The following C8orf34 variants were observed in gnomAD, a reference collection of about 807,000 sequenced individuals.
The protein encoded by C8orf34 is chromosome 8 open reading frame 34, also known as uncharacterized protein C8orf34.
C8orf34 carries 65 observed loss-of-function variants against 68.3 expected under a neutral mutation model. That is an observed-to-expected ratio of 0.95 (90% CI 0.78 to 1.17). C8orf34 has a LOEUF of 1.17. Among genes scored for constraint, C8orf34 ranks in the 50% most tolerant of loss-of-function variants. The pLI, the probability that C8orf34 is intolerant of heterozygous loss-of-function variation, is 0.00. For missense variants in C8orf34, 664 were observed against 655.4 expected (o/e 1.01, Z -0.14); for synonymous variants, 244 against 241.2 (o/e 1.01, Z -0.11).
chr8:68,451,368 AT>A (rs1191877673), intron 3 of C8orf34, among the ~76,000 whole-genome samples: 8 of 152,150 alleles, frequency 5.3e-5, no homozygotes, highest in Non-Finnish European at 1.5e-5. Flanking sequence ...TTTCATTTGC[AT>A]TCGCTACTTG....
At chr8:68,580,466 C>T (rs1817030042) in intron 7 of C8orf34, among the ~76,000 whole-genome samples, 1 of 151,838 alleles carries the variant, frequency 6.6e-6, no homozygotes, top group Non-Finnish European at 1.5e-5. Flanking sequence ...ATTTAAAAAC[C>T]CAGGAAACTT....
At chr8:68,532,333 G>A (rs113645895) in intron 6 of C8orf34, among the ~76,000 whole-genome samples, 9 of 152,156 alleles carry the variant, frequency 5.9e-5, no homozygotes, top group African/African-American at 2.2e-4. Context: ...TGGAAGTAAG[G>A]TATCTATACT....
chr8:68,582,793 A>G (rs1223155716), intron 7 of C8orf34, among the ~76,000 whole-genome samples: 1 of 152,140 alleles, frequency 6.6e-6, no homozygotes, highest in African/African-American at 2.4e-5. Flanking sequence ...GTTGATTAAC[A>G]TGCATGTCAC....
chr8:68,353,449 A>G (rs1335096000), intron 1 of C8orf34, among the ~76,000 whole-genome samples: 1 of 151,546 alleles, frequency 6.6e-6, no homozygotes, highest in Non-Finnish European at 1.5e-5. Flanking sequence ...TATTATTTAT[A>G]TATTTTTATG....
Position 68,546,968 on chromosome 8 carries a change from G to A in C8orf34, c.1105+13819G>A, listed in dbSNP as rs1465220769. ...GAAACCCAGAGCTTTAAACAAGAAA[G>A]TTTTAAAATTATTGATATAAGTTCC... is the stretch of plus-strand genomic sequence containing the variant. On this transcript the variant is annotated intron_variant, in intron 7 of 13. Transcript: ENST00000518698. 2.0e-5 allele frequency among the ~76,000 whole-genome samples: 3 copies of A among 151,554 alleles called. No homozygotes were observed. In the South Asian group the frequency reaches 6.2e-4, roughly 31 times the overall value.
intron 9 of C8orf34, among the ~76,000 whole-genome samples, chr8:68,717,514 A>G (rs548968016): frequency 6.6e-6 from 1 of 151,928 alleles, no homozygotes; most frequent in African/African-American, 2.4e-5. Context: ...AAAATGACAA[A>G]CACAAAATAT....
intron 11 of C8orf34, among the ~76,000 whole-genome samples, chr8:68,786,256 A>G (rs1563668982): frequency 6.6e-6 from 1 of 152,100 alleles, no homozygotes; most frequent in Non-Finnish European, 1.5e-5. Context: ...TTTGTTCTAG[A>G]GGAGAACCAT....
chr8:68,572,234 GACACAC>G (rs36042681), intron 7 of C8orf34, among the ~76,000 whole-genome samples: 7,178 of 145,256 alleles, frequency 0.049, 581 homozygotes, highest in African/African-American at 0.17. Flanking sequence ...TGACTGTATA[GACACAC>G]ACACACACAC....
At chr8:68,447,709 G>A (rs577908783) in intron 3 of C8orf34, 59 of 152,306 alleles carry the variant, frequency 3.9e-4, no homozygotes, top group African/African-American at 1.1e-3. Context: ...TTAACTTTGT[G>A]AGCAGCTTCA....
rs114884584 is a variant in C8orf34 at position 68,529,151 on chromosome 8, A to G, written c.939-3832A>G. ...TTAATTGTTCTCTGTCTTTCATTCAATTTACAAAGAAGCTCCTCAAAGTAG... is the reference window on the plus strand; with the variant it reads ...TTAATTGTTCTCTGTCTTTCATTCAGTTTACAAAGAAGCTCCTCAAAGTAG... On this transcript the variant is annotated intron_variant, in intron 6 of 13. Coordinates refer to ENST00000518698, the MANE Select transcript of C8orf34 (RefSeq NM_052958.4). Among the ~76,000 whole-genome samples, 1,148 of 152,312 alleles carry G rather than the reference A, an allele frequency of 7.5e-3. 20 individuals are homozygous for G. Among genetic ancestry groups the G allele is most frequent in the African/African-American group, 0.026 (1,083 of 41,570 alleles).
rs141667244 is a variant in C8orf34 at position 68,468,567 on chromosome 8, A to G, written c.608-125A>G. The G allele has an allele frequency of 2.9e-5, 26 of 882,244 alleles. No individual in the cohort carries two copies. In the African/African-American group the frequency reaches 4.4e-4, roughly 15 times the overall value. 54.7% of individuals were successfully genotyped at this position (882,244 alleles called of 1,614,324 possible). ...CCCTCTTTTTTCTCACAAGCAAACCATCTTCAAGATAAACACTTTTTATTC... is the reference window on the plus strand; with the variant it reads ...CCCTCTTTTTTCTCACAAGCAAACCGTCTTCAAGATAAACACTTTTTATTC... On this transcript the variant is annotated intron_variant, in intron 3 of 13. Coordinates refer to ENST00000518698, the MANE Select transcript of C8orf34 (RefSeq NM_052958.4).
chr8:68,577,297 T>C (rs1029693133), intron 7 of C8orf34, among the ~76,000 whole-genome samples: 7 of 152,038 alleles, frequency 4.6e-5, no homozygotes, highest in Non-Finnish European at 7.4e-5. Context: ...TTCTATATGC[T>C]TCTTAAAATT....
chr8:68,457,225 T>C (rs1811591366), intron 3 of C8orf34, among the ~76,000 whole-genome samples: 1 of 152,126 alleles, frequency 6.6e-6, no homozygotes, highest in African/African-American at 2.4e-5. Context: ...ATTGAGAGTA[T>C]ATATGTACAT....
chr8:68,536,990 T>C (rs972471290), intron 7 of C8orf34, among the ~76,000 whole-genome samples: 16 of 152,146 alleles, frequency 1.1e-4, no homozygotes, highest in African/African-American at 2.9e-4. Flanking sequence ...ATAAAAACAA[T>C]TTACTAGAAG....
intron 7 of C8orf34, among the ~76,000 whole-genome samples, chr8:68,637,510 C>T (rs1818881108): frequency 6.6e-6 from 1 of 151,778 alleles, no homozygotes; most frequent in African/African-American, 2.4e-5. Flanking sequence ...TATCTAGATG[C>T]AAGGAAAGTA....
intron 1 of C8orf34, among the ~76,000 whole-genome samples, chr8:68,414,351 T>C (rs1023313276): frequency 6.6e-6 from 1 of 152,222 alleles, no homozygotes; most frequent in Admixed American, 6.5e-5. Flanking sequence ...ATAAATATGT[T>C]GTATGAAAGT....
At chr8:68,607,017 T>A (rs1817873055) in intron 7 of C8orf34, among the ~76,000 whole-genome samples, 1 of 152,052 alleles carries the variant, frequency 6.6e-6, no homozygotes, top group South Asian at 2.1e-4. Flanking sequence ...ACTACATATC[T>A]CCAGATGTTT....
At chr8:68,415,710 G>A (rs1809636743) in intron 1 of C8orf34, among the ~76,000 whole-genome samples, 1 of 152,160 alleles carries the variant, frequency 6.6e-6, no homozygotes, top group Non-Finnish European at 1.5e-5. Context: ...CACCTCTCTA[G>A]TTTGTACTTC....
intron 1 of C8orf34, among the ~76,000 whole-genome samples, chr8:68,412,317 T>C (rs899547055): frequency 2.4e-4 from 37 of 152,202 alleles, no homozygotes; most frequent in Non-Finnish European, 5.0e-4. Context: ...TGTAATGTTT[T>C]ATAATTTTTT....
Sources: allele counts gnomAD v4.1 joint callset (sites outside exome capture counted in the v4.1 genomes callset), GRCh38; gene constraint gnomAD v4.1.1; transcripts MANE v1.5; gene names NCBI Gene and HGNC (gene_info 2026-07-23, HGNC 2026-07-21).